FBXO42: variants seen among roughly 807,000 people sequenced by gnomAD.
FBXO42 encodes the protein F-box protein 42, also known as F-box only protein 42.
A neutral mutation model predicts 71.7 loss-of-function variants in FBXO42; 12 were observed. The ratio of observed to expected loss-of-function variants is 0.17; its 90% CI spans 0.11 to 0.27. The LOEUF is 0.27. Ranked by LOEUF, FBXO42 falls within the 10% of genes least tolerant of loss-of-function variation. The pLI, the probability that FBXO42 is intolerant of heterozygous loss-of-function variation, is 1.00. For synonymous variants in FBXO42, 325 were observed against 327.5 expected (o/e 0.99, Z 0.08); for missense variants, 707 against 911.9 (o/e 0.78, Z 2.89).
At chr1:16,323,651 G>A (rs554727561) in intron 1 of FBXO42, among the ~76,000 whole-genome samples, 5 of 151,740 alleles carry the variant, frequency 3.3e-5, no homozygotes, top group South Asian at 2.1e-4. Flanking sequence ...TTAGCCAGGC[G>A]TGGTGGTGTG....
At chr1:16,311,503 AATATAT>A (rs1553153697) in intron 2 of FBXO42, among the ~76,000 whole-genome samples, 14 of 65,536 alleles carry the variant, frequency 2.1e-4, no homozygotes, top group African/African-American at 3.5e-4. Context: ...AAAAAAAAAA[AATATAT>A]ATATATATAT....
chr1:16,270,866 GC>G (rs2081836080), intron 4 of FBXO42, among the ~76,000 whole-genome samples: 2 of 150,466 alleles, frequency 1.3e-5, no homozygotes, highest in African/African-American at 4.9e-5. Flanking sequence ...CAGACAAAAA[GC>G]CCTCAGCCCC....
intron 4 of FBXO42, among the ~76,000 whole-genome samples, chr1:16,258,863 G>A (rs980285588): frequency 1.2e-4 from 18 of 151,920 alleles, no homozygotes; most frequent in African/African-American, 4.4e-4. Flanking sequence ...TCAGCCTCTC[G>A]AGTAGCAGAG....
intron 4 of FBXO42, among the ~76,000 whole-genome samples, chr1:16,278,939 T>C (rs1360297899): frequency 6.6e-6 from 1 of 152,020 alleles, no homozygotes; most frequent in Non-Finnish European, 1.5e-5. Context: ...CCACCATGCC[T>C]GGCTAATTTT....
Position 16,251,704 on chromosome 1 carries a change from G to C in FBXO42, c.1120C>G (p.Pro374Ala). ...AGAGCTGGAGGAGTGGCACTGATAG[G>C]TGATGGGCGAGAGTTCAAACTGGGG... is the stretch of plus-strand genomic sequence containing the variant. ...LSPSLNSRPS[P>A]ISATPPALVP... Residue 374 changes from proline (P) to alanine (A), a missense_variant, in exon 10 of 10, where the codon CCT (proline) becomes GCT (alanine). Around this residue, in one of 5 missense-constraint regions of FBXO42, gnomAD observed 482 missense variants for 587.1 expected, o/e 0.82. Coordinates refer to ENST00000375592, the MANE Select transcript of FBXO42 (RefSeq NM_018994.3). The surrounding 1 kb of genome is among the most constrained non-coding windows in gnomAD (Gnocchi z 4.5). 6.2e-7 allele frequency: 1 copy of C among 1,614,206 alleles called. No individual in the cohort carries two copies. Among genetic ancestry groups the C allele is most frequent in the Non-Finnish European group, 8.5e-7 (1 of 1,180,044 alleles).
chr1:16,320,634 G>A (rs1389635299), intron 1 of FBXO42, among the ~76,000 whole-genome samples: 1 of 151,676 alleles, frequency 6.6e-6, no homozygotes, highest in African/African-American at 2.4e-5. Context: ...CTCCCAAGTA[G>A]CTGGCGCACA....
At chr1:16,264,422 T>C (rs2081750079) in intron 4 of FBXO42, among the ~76,000 whole-genome samples, 2 of 152,206 alleles carry the variant, frequency 1.3e-5, no homozygotes, top group South Asian at 2.1e-4. Flanking sequence ...TTATACTCAT[T>C]AGGACATTTC....
chr1:16,294,824 A>G lies in FBXO42; in HGVS notation c.461T>C (p.Leu154Pro). The G allele has an allele frequency of 6.2e-7, 1 of 1,614,110 alleles. No homozygotes were observed. Among genetic ancestry groups the G allele is most frequent in the Non-Finnish European group, 8.5e-7 (1 of 1,180,004 alleles). Residue 154 changes from leucine (L) to proline (P), a missense_variant, in exon 4 of 10, where the codon CTT becomes CCT. By Grantham distance (98) the Leu-to-Pro change is moderately conservative. Transcript: ENST00000375592. ...GATCCACTCTTTGCTGTTTAGGTCA[A>G]GTCTCCAGAGGTCATTGAAAGCAGC... ...CNAAFNDLWR[L>P]DLNSKEWIRP...
At chr1:16,300,056 C>T (rs1353929509) in intron 3 of FBXO42, among the ~76,000 whole-genome samples, 1 of 152,192 alleles carries the variant, frequency 6.6e-6, no homozygotes, top group East Asian at 1.9e-4. Context: ...GAAGACCCAA[C>T]AAGTTCAAAT....
intron 4 of FBXO42, chr1:16,292,749 A>G (rs2082092576): frequency 6.6e-6 from 1 of 152,244 alleles, no homozygotes; most frequent in South Asian, 2.1e-4. Context: ...CTAAATTATC[A>G]AAGGCATAAA....
chr1:16,313,219 C>T (rs1380438278), intron 2 of FBXO42, among the ~76,000 whole-genome samples: 1 of 149,882 alleles, frequency 6.7e-6, no homozygotes, highest in African/African-American at 2.5e-5. Flanking sequence ...CCAGAAAGAT[C>T]GATCTAAGAT....
At chr1:16,277,778 G>A (rs1413192614) in intron 4 of FBXO42, among the ~76,000 whole-genome samples, 1 of 146,052 alleles carries the variant, frequency 6.8e-6, no homozygotes, top group Non-Finnish European at 1.5e-5. Flanking sequence ...TGGTGGCTCA[G>A]GCCTGTAATC....
At chr1:16,285,436 G>A (rs1051589176) in intron 4 of FBXO42, among the ~76,000 whole-genome samples, 3 of 151,820 alleles carry the variant, frequency 2.0e-5, no homozygotes, top group Non-Finnish European at 4.4e-5. Context: ...ACCATGCCCA[G>A]CTAATTTTTG....
intron 2 of FBXO42, among the ~76,000 whole-genome samples, chr1:16,306,649 C>T (rs1371563768): frequency 6.6e-6 from 1 of 152,186 alleles, no homozygotes. Context: ...ATAAAGCATT[C>T]TCTGTCTTAA....
At chr1:16,301,156 C>T (rs538545993) in intron 3 of FBXO42, among the ~76,000 whole-genome samples, 1 of 152,052 alleles carries the variant, frequency 6.6e-6, no homozygotes, top group South Asian at 2.1e-4. Flanking sequence ...GCCTTGGCCT[C>T]CCAAAGTGTT....
At chr1:16,303,040 C>A (rs960225209) in intron 3 of FBXO42, among the ~76,000 whole-genome samples, 1 of 151,606 alleles carries the variant, frequency 6.6e-6, no homozygotes, top group Non-Finnish European at 1.5e-5. Flanking sequence ...GACAACATGG[C>A]AAAACACAAT....
intron 1 of FBXO42, among the ~76,000 whole-genome samples, chr1:16,325,942 GA>G (rs2082445044): frequency 6.6e-6 from 1 of 151,252 alleles, no homozygotes; most frequent in Non-Finnish European, 1.5e-5. Context: ...TTCATATGGA[GA>G]ACCATACGTT....
At chr1:16,301,098 G>T (rs902942259) in intron 3 of FBXO42, among the ~76,000 whole-genome samples, 1 of 151,616 alleles carries the variant, frequency 6.6e-6, no homozygotes, top group East Asian at 1.9e-4. Context: ...AGGGTTTCAC[G>T]ATGTTGGCCA....
chr1:16,322,353 G>A (rs920592316), intron 1 of FBXO42, among the ~76,000 whole-genome samples: 1 of 152,068 alleles, frequency 6.6e-6, no homozygotes, highest in Non-Finnish European at 1.5e-5. Flanking sequence ...TGAGGTGGGT[G>A]GATCATGAGG....
Sources: allele counts gnomAD v4.1 joint callset (sites outside exome capture counted in the v4.1 genomes callset), GRCh38; gene constraint gnomAD v4.1.1; regional missense constraint gnomAD v4.1.1; non-coding constraint Gnocchi (gnomAD v3.1); transcripts MANE v1.5; gene names NCBI Gene and HGNC (gene_info 2026-07-23, HGNC 2026-07-21).